The following PSMA4 variants were observed in gnomAD, a reference collection of about 807,000 sequenced individuals.
PSMA4 encodes proteasome subunit alpha type-4.
Under a neutral mutation model 37.2 loss-of-function variants are expected in PSMA4, and 8 were observed. The ratio of observed to expected loss-of-function variants is 0.22; its 90% CI spans 0.13 to 0.39. The LOEUF is 0.39. Ranked by LOEUF, PSMA4 falls within the 10% of genes least tolerant of loss-of-function variation. The pLI is 1.00. For missense variants in PSMA4, 169 were observed against 305.1 expected (o/e 0.55, Z 3.32); for synonymous variants, 93 against 98.8 (o/e 0.94, Z 0.35).
chr15:78,544,140 C>T, intron 4 of PSMA4, 50 bp from the exon 5 acceptor site: 8 of 1,374,664 alleles, frequency 5.8e-6, no homozygotes, highest in Non-Finnish European at 8.3e-6. Context: ...TATAAACACT[C>T]CTTGCAAGCA....
At chr15:78,544,627 C>T in intron 5 of PSMA4, 1 of 475,328 alleles carries the variant, frequency 2.1e-6, no homozygotes, top group Non-Finnish European at 3.7e-6. Flanking sequence ...GGAGAGCTCA[C>T]TTTTGCAAAG....
At position 78,547,420 on chromosome 15, in the gene PSMA4, G is replaced by C. The variant is rs565994589; in HGVS notation, c.631+722G>C. Among the ~76,000 whole-genome samples the C allele has an allele frequency of 7.2e-5, 11 of 152,332 alleles. No homozygotes were observed. In the East Asian group the frequency reaches 2.1e-3, roughly 29 times the overall value. On this transcript the variant is annotated intron_variant, in intron 8 of 8. Coordinates refer to ENST00000044462, the MANE Select transcript of PSMA4 (RefSeq NM_002789.6). Reference sequence around the variant, plus strand: ...CATAGGTTTGGTATACTTTACCAGAGATACAACATTTGCGTGGGTTGTGAT... The same window carrying C: ...CATAGGTTTGGTATACTTTACCAGACATACAACATTTGCGTGGGTTGTGAT...
intron 7 of PSMA4, 118 bp from the exon 8 acceptor site, chr15:78,546,457 A>T: frequency 1.0e-6 from 1 of 964,150 alleles, no homozygotes; most frequent in South Asian, 1.8e-5. Context: ...TCAAAAAAAA[A>T]AAAAAAATTG....
intron 6 of PSMA4, 85 bp from the exon 7 acceptor site, chr15:78,545,548 GT>G (rs1465273901): frequency 6.9e-7 from 1 of 1,450,586 alleles, no homozygotes; most frequent in East Asian, 2.3e-5. Context: ...ACAGAGTAGG[GT>G]TTAGCTACCT....
intron 1 of PSMA4, chr15:78,541,667 C>A: frequency 2.1e-6 from 1 of 487,150 alleles, no homozygotes; most frequent in Non-Finnish European, 3.6e-6. Flanking sequence ...TCCCTTTTCC[C>A]ACCCTACCCC....
chr15:78,541,830 C>CA (rs1343662245), intron 1 of PSMA4, 75 bp from the exon 2 acceptor site: 2 of 1,254,336 alleles, frequency 1.6e-6, no homozygotes, highest in Non-Finnish European at 2.3e-6. Context: ...GTAAATAAAA[C>CA]AGATTTGTAA....
intron 3 of PSMA4, 85 bp from the exon 4 acceptor site, chr15:78,542,398 G>A (rs2052470827): frequency 1.5e-5 from 23 of 1,499,698 alleles, no homozygotes; most frequent in Admixed American, 2.1e-5. Flanking sequence ...TTTGTTTCTA[G>A]CTTGCTTCAT....
chr15:78,546,828 C>T, intron 8 of PSMA4, 130 bp downstream of exon 8: 1 of 965,890 alleles, frequency 1.0e-6, no homozygotes, highest in Non-Finnish European at 1.5e-6. Flanking sequence ...TGCAGTGGCG[C>T]AATCTCAGCT....
chr15:78,542,643 T>C lies in PSMA4; in HGVS notation c.207T>C (p.Asn69=). The change falls in exon 4 of 9, where the codon AAT becomes AAC. Residue 69 remains asparagine, a splice_region_variant and synonymous_variant. Transcript: ENST00000044462. The stretch of plus-strand genomic sequence containing the variant: ...TTTCTGAAAAAATTTATAAACTCAA[T>C]GAGTAAGTGAGATTTTAGGAAAGAG... ...VFFSEKIYKL[N]EDMACSVAGI... The C allele has an allele frequency of 1.3e-6, 2 of 1,596,992 alleles. No homozygotes were observed. Among genetic ancestry groups the C allele is most frequent in the Non-Finnish European group, 1.7e-6 (2 of 1,173,808 alleles).
intron 2 of PSMA4, 37 bp downstream of exon 2, chr15:78,541,967 TAA>T: frequency 6.3e-7 from 1 of 1,588,906 alleles, no homozygotes; most frequent in Non-Finnish European, 8.6e-7. Context: ...GGTTGCCTGA[TAA>T]ACAGTATTGC....
chr15:78,547,263 A>C (rs1184417654), intron 8 of PSMA4, among the ~76,000 whole-genome samples: 1 of 152,212 alleles, frequency 6.6e-6, no homozygotes, highest in African/African-American at 2.4e-5. Context: ...GATACTGAAC[A>C]ATCTCATTAC....
At chr15:78,543,692 C>T (rs2052498536) in intron 4 of PSMA4, 2 of 152,550 alleles carry the variant, frequency 1.3e-5, no homozygotes, top group South Asian at 2.1e-4. Flanking sequence ...CCTCAGCCGC[C>T]CAAGTAGCTG....
intron 7 of PSMA4, 137 bp from the exon 8 acceptor site, chr15:78,546,438 G>T: frequency 1.5e-6 from 1 of 649,458 alleles, no homozygotes; most frequent in South Asian, 2.1e-5. Flanking sequence ...AACAGAGTGA[G>T]CCCCTGTGTC....
In PSMA4 at chr15:78,551,461, CTGCT is replaced by C. The variant is rs2141383139; in HGVS notation, c.*2521_*2524del. 6.6e-6 allele frequency: 1 copy of C among 152,094 alleles called. No homozygotes were observed. The highest frequency in any genetic ancestry group is 1.9e-4 in the East Asian group (1 of 5,130). The allele number at this position is 152,094 out of a possible 1,614,324, so 9.4% of individuals were successfully genotyped here. A position where few individuals can be genotyped will look rare whatever the true frequency, so the allele number is the denominator to read the frequency against. On this transcript the variant is annotated 3_prime_UTR_variant, in exon 9 of 9. Transcript: ENST00000044462. Reference sequence around the variant, plus strand: ...TGCCCACTCCCTCATCTCCAGGTCTCTGCTTGCATGTCACCTTTTTTGGGGTACT... The same window carrying C: ...TGCCCACTCCCTCATCTCCAGGTCTCTGCATGTCACCTTTTTTGGGGTACT...
rs2052616072 is a variant in PSMA4, at chr15:78,549,653, C to G, written c.*709C>G. ...TGCTTTAGCATCACCTATGCAGATTCTGATGTCCCATCCCAGATCTACTGA... is the reference window on the plus strand; with the variant it reads ...TGCTTTAGCATCACCTATGCAGATTGTGATGTCCCATCCCAGATCTACTGA... On this transcript the variant is annotated 3_prime_UTR_variant, in exon 9 of 9. Coordinates refer to ENST00000044462, the MANE Select transcript of PSMA4 (RefSeq NM_002789.6). 1 of 152,252 alleles carries G rather than the reference C, an allele frequency of 6.6e-6. No individual in the cohort carries two copies. The highest frequency in any genetic ancestry group is 2.4e-5 in the African/African-American group (1 of 41,470). The allele number at this position is 152,252 out of a possible 1,614,324, so 9.4% of individuals were successfully genotyped here. A position where few individuals can be genotyped will look rare whatever the true frequency, so the allele number is the denominator to read the frequency against.
At chr15:78,546,768 CTTTT>C (rs35886075) in intron 8 of PSMA4, 70 bp downstream of exon 8, 1,290 of 1,159,926 alleles carry the variant, frequency 1.1e-3, no homozygotes, top group East Asian at 2.6e-3. Context: ...AGATTTTTTT[CTTTT>C]TTTTTTTTTT....
chr15:78,550,824 ACT>A lies in PSMA4; in HGVS notation c.*1883_*1884del, dbSNP rs1238415370. ...CACCTGGGTACTCAAAATTTTCACC[ACT>A]CTGCATGTCAACAAATGACTAAAAG... On this transcript the variant is annotated 3_prime_UTR_variant, in exon 9 of 9. Coordinates refer to ENST00000044462, the MANE Select transcript of PSMA4 (RefSeq NM_002789.6). 2.0e-5 allele frequency: 3 copies of A among 151,974 alleles called. No individual in the cohort carries two copies. The highest frequency in any genetic ancestry group is 7.3e-5 in the African/African-American group (3 of 41,342). The allele number at this position is 151,974 out of a possible 1,614,324, so 9.4% of individuals were successfully genotyped here.
intron 4 of PSMA4, 180 bp from the exon 5 acceptor site, chr15:78,544,010 G>A: frequency 1.9e-6 from 1 of 532,636 alleles, no homozygotes; most frequent in Non-Finnish European, 3.3e-6. Context: ...CTTTCATGTT[G>A]AGTGACATCG....
intron 3 of PSMA4, 80 bp downstream of exon 3, chr15:78,542,299 T>A (rs1343346315): frequency 1.4e-6 from 2 of 1,471,378 alleles, no homozygotes; most frequent in Non-Finnish European, 1.9e-6. Flanking sequence ...TACAAACTTT[T>A]TTTGGTAGTT....
Sources: gnomAD v4.1 joint callset for allele counts (sites outside exome capture counted in the v4.1 genomes callset) on GRCh38, gnomAD v4.1.1 for gene constraint, MANE v1.5 for transcripts, NCBI Gene and HGNC (gene_info 2026-07-23, HGNC 2026-07-21) for gene names.